MACROD2: variants seen among roughly 807,000 people sequenced by gnomAD.
MACROD2 encodes the protein ADP-ribose glycohydrolase MACROD2.
Under a neutral mutation model 70.4 loss-of-function variants are expected in MACROD2, and 36 were observed. The ratio of observed to expected loss-of-function variants is 0.51; its 90% CI spans 0.39 to 0.68. MACROD2 has a LOEUF of 0.68. MACROD2 is among the 30% of genes least tolerant of loss of function. The pLI, the probability that MACROD2 is intolerant of heterozygous loss-of-function variation, is 0.00. For synonymous variants in MACROD2, 172 were observed against 178.8 expected, an observed-to-expected ratio of 0.96 and a Z score of 0.30; for missense variants, 496 against 538.4, an observed-to-expected ratio of 0.92 and a Z score of 0.78.
intron 5 of MACROD2, among the ~76,000 whole-genome samples, chr20:15,008,342 A>G (rs907676631): frequency 3.3e-5 from 5 of 152,176 alleles, no homozygotes; most frequent in African/African-American, 4.8e-5. Context: ...ATAAGGTCAC[A>G]TTCTGAGCTA....
At chr20:14,328,092 C>G (rs1230836225) in intron 3 of MACROD2, among the ~76,000 whole-genome samples, 1 of 152,050 alleles carries the variant, frequency 6.6e-6, no homozygotes, top group Admixed American at 6.6e-5. Flanking sequence ...GGAATAGTTA[C>G]ACACATCTTG....
At chr20:15,054,492 T>C (rs977484856) in intron 5 of MACROD2, among the ~76,000 whole-genome samples, 2 of 152,208 alleles carry the variant, frequency 1.3e-5, no homozygotes, top group African/African-American at 4.8e-5. Context: ...TTTTTAGTAA[T>C]AAAGTATTTT....
intron 6 of MACROD2, among the ~76,000 whole-genome samples, chr20:15,418,031 A>G (rs1038871362): frequency 9.9e-5 from 15 of 152,182 alleles, no homozygotes; most frequent in African/African-American, 3.6e-4. Flanking sequence ...TCTGTTCTGC[A>G]GTGGAAAGTG....
intron 8 of MACROD2, among the ~76,000 whole-genome samples, chr20:15,588,264 G>A (rs910618887): frequency 6.6e-6 from 1 of 152,138 alleles, no homozygotes; most frequent in Non-Finnish European, 1.5e-5. Context: ...GGGACACAGG[G>A]CACCAAATCC....
intron 8 of MACROD2, among the ~76,000 whole-genome samples, chr20:15,842,146 A>G (rs557554883): frequency 1.3e-5 from 2 of 152,108 alleles, no homozygotes; most frequent in Non-Finnish European, 2.9e-5. Flanking sequence ...ACAAGGCAAC[A>G]TTTAACTCTT....
chr20:15,647,254 G>T (rs1002250878), intron 8 of MACROD2, among the ~76,000 whole-genome samples: 23 of 152,246 alleles, frequency 1.5e-4, no homozygotes, highest in Admixed American at 1.2e-3. Flanking sequence ...GACACCAAAA[G>T]GTTAAGGAGA....
chr20:15,439,510 G>A (rs1006706047), intron 7 of MACROD2, among the ~76,000 whole-genome samples: 3 of 152,160 alleles, frequency 2.0e-5, no homozygotes, highest in Non-Finnish European at 4.4e-5. Context: ...CTTTGGGGGT[G>A]CTCAGGACCC....
chr20:15,860,457 A>G (rs1475753673), intron 8 of MACROD2, among the ~76,000 whole-genome samples: 2 of 152,168 alleles, frequency 1.3e-5, no homozygotes, highest in African/African-American at 2.4e-5. Flanking sequence ...TCGTAGATAC[A>G]GAAGTGAGAA....
At chr20:14,087,247 T>C (rs925299337) in intron 3 of MACROD2, among the ~76,000 whole-genome samples, 4 of 151,920 alleles carry the variant, frequency 2.6e-5, no homozygotes, top group African/African-American at 9.7e-5. Context: ...AATACAAAAA[T>C]TAGCCAGGTG....
chr20:15,764,686 T>C (rs1393301365), intron 8 of MACROD2, among the ~76,000 whole-genome samples: 1 of 152,150 alleles, frequency 6.6e-6, no homozygotes, highest in Non-Finnish European at 1.5e-5. Context: ...CTATAAAAGC[T>C]TCCTGATGGG....
intron 8 of MACROD2, among the ~76,000 whole-genome samples, chr20:15,565,616 T>C (rs979483790): frequency 2.6e-5 from 4 of 152,210 alleles, no homozygotes; most frequent in Non-Finnish European, 1.5e-5. Context: ...TGGTATTCTT[T>C]TTTTGTTTGT....
At chr20:14,050,426 A>G (rs1260102070) in intron 2 of MACROD2, among the ~76,000 whole-genome samples, 1 of 152,204 alleles carries the variant, frequency 6.6e-6, no homozygotes, top group Non-Finnish European at 1.5e-5. Flanking sequence ...ACACTAAAAC[A>G]TGCTGCTTGA....
intron 5 of MACROD2, among the ~76,000 whole-genome samples, chr20:14,971,653 G>A (rs2074692637): frequency 6.6e-6 from 1 of 151,924 alleles, no homozygotes; most frequent in Non-Finnish European, 1.5e-5. Context: ...AGGCTGCTGG[G>A]GCTTGAGTCA....
At chr20:14,132,129 CAAAAA>C (rs34790385) in intron 3 of MACROD2, among the ~76,000 whole-genome samples, 2 of 96,618 alleles carry the variant, frequency 2.1e-5, no homozygotes, top group African/African-American at 4.4e-5. Flanking sequence ...AGACTCTATC[CAAAAA>C]AAAAAAAAAA....
intron 3 of MACROD2, among the ~76,000 whole-genome samples, chr20:14,486,268 G>A (rs189027401): frequency 7.8e-4 from 118 of 152,200 alleles, no homozygotes; most frequent in African/African-American, 2.6e-3. Context: ...CTTCTTTCAA[G>A]GGACATAGTC....
chr20:14,392,059 G>A (rs2083532814), intron 3 of MACROD2, among the ~76,000 whole-genome samples: 1 of 150,680 alleles, frequency 6.6e-6, no homozygotes, highest in African/African-American at 2.4e-5. Context: ...ACCTCCATGA[G>A]ACTTTTCTTT....
chr20:15,876,656 C>A (rs1002894561), intron 9 of MACROD2, among the ~76,000 whole-genome samples: 1 of 152,062 alleles, frequency 6.6e-6, no homozygotes, highest in African/African-American at 2.4e-5. Context: ...ATCAAATGGT[C>A]TTTCTAGTTC....
chr20:14,119,399 C>T (rs180940308), intron 3 of MACROD2, among the ~76,000 whole-genome samples: 233 of 151,520 alleles, frequency 1.5e-3, no homozygotes, highest in Non-Finnish European at 2.7e-3. Flanking sequence ...AAACTCCTGA[C>T]CTTCAGGTGA....
chr20:14,669,376 A>T (rs1319722128), intron 4 of MACROD2, among the ~76,000 whole-genome samples: 1 of 152,206 alleles, frequency 6.6e-6, no homozygotes, highest in Non-Finnish European at 1.5e-5. Flanking sequence ...ATTTTCCTTC[A>T]GACATCCAAG....
Sources: gnomAD v4.1 joint callset for allele counts (sites outside exome capture counted in the v4.1 genomes callset) on GRCh38, gnomAD v4.1.1 for gene constraint, MANE v1.5 for transcripts, NCBI Gene and HGNC (gene_info 2026-07-23, HGNC 2026-07-21) for gene names.